The following PDK4 variants were observed in gnomAD, a reference collection of about 807,000 sequenced individuals.
PDK4 encodes the protein pyruvate dehydrogenase kinase, isozyme 4.
A neutral mutation model predicts 51.7 loss-of-function variants in PDK4; 43 were observed. The observed-to-expected ratio is 0.83, with a 90% CI of 0.65 to 1.07. The LOEUF is 1.07. Among genes scored for constraint, PDK4 ranks in the 50% least tolerant of loss-of-function variants. The probability of loss-of-function intolerance (pLI) is 0.00; values close to 1 mark genes in which losing one functional copy is unlikely to be tolerated. For missense variants in PDK4, 498 were observed against 503.5 expected (o/e 0.99, Z 0.10); for synonymous variants, 170 against 176.6 (o/e 0.96, Z 0.30).
At chr7:95,594,950 T>C (rs1444773514) in intron 2 of PDK4, 73 bp downstream of exon 2, 2 of 1,021,748 alleles carry the variant, frequency 2.0e-6, no homozygotes, top group Admixed American at 4.6e-5. Flanking sequence ...AATTATGATG[T>C]TAACATAGTA....
At position 95,587,717 on chromosome 7, in the gene PDK4, G is replaced by C. The variant is rs368570522; in HGVS notation, c.870+10C>G. On this transcript the variant is annotated intron_variant, in intron 8 of 10. Coordinates refer to ENST00000005178, the MANE Select transcript of PDK4 (RefSeq NM_002612.4). ...AAGAGACACCCAAAAGGAAAACAGA[G>C]AATGGTTACCTTAATGGTAAGGTCT... is the stretch of plus-strand genomic sequence containing the variant. The C allele has an allele frequency of 6.3e-5, 99 of 1,561,342 alleles. 1 individual carries two copies. The highest frequency in any genetic ancestry group is 1.5e-4 in the Admixed American group (9 of 59,936).
intron 1 of PDK4, among the ~76,000 whole-genome samples, chr7:95,595,770 T>G (rs1791611156): frequency 2.0e-5 from 3 of 152,232 alleles, no homozygotes; most frequent in Admixed American, 6.5e-5. Context: ...GAATAAAATC[T>G]GTTAATTTGA....
intron 2 of PDK4, among the ~76,000 whole-genome samples, chr7:95,594,529 A>C (rs890902124): frequency 6.6e-6 from 1 of 152,222 alleles, no homozygotes; most frequent in South Asian, 2.1e-4. Context: ...GGGAATAATA[A>C]CTCAATGGCA....
At chr7:95,587,615 A>T in intron 8 of PDK4, 87 bp from the exon 9 acceptor site, 1 of 1,149,044 alleles carries the variant, frequency 8.7e-7, no homozygotes, top group Non-Finnish European at 1.3e-6. Flanking sequence ...TCATTTAAAA[A>T]TCACCTGGCA....
intron 6 of PDK4, among the ~76,000 whole-genome samples, chr7:95,590,926 T>C (rs774848399): frequency 2.5e-4 from 38 of 152,136 alleles, no homozygotes; most frequent in Non-Finnish European, 5.0e-4. Flanking sequence ...CTTGTCAGAA[T>C]TGAAATTTTG....
At chr7:95,592,456 G>T in intron 5 of PDK4, 55 bp downstream of exon 5, 1 of 966,476 alleles carries the variant, frequency 1.0e-6, no homozygotes, top group Non-Finnish European at 1.7e-6. Flanking sequence ...TTATAGATAT[G>T]TCAATCATAT....
intron 6 of PDK4, among the ~76,000 whole-genome samples, chr7:95,590,433 A>G (rs977570409): frequency 1.3e-5 from 2 of 152,186 alleles, no homozygotes; most frequent in Admixed American, 6.5e-5. Flanking sequence ...AGAAAAATAA[A>G]AAGTAAAATA....
rs1244801589 is a variant in PDK4 at position 95,585,561 on chromosome 7, A to G, written c.*80T>C. ...GCTGTCGTTTGTTTTGGAGGAAACA[A>G]GGGTTCACACACAAACATTCAGGAA... On this transcript the variant is annotated 3_prime_UTR_variant, in exon 11 of 11. Coordinates refer to ENST00000005178, the MANE Select transcript of PDK4 (RefSeq NM_002612.4). 10 of 1,253,136 alleles carry G rather than the reference A, an allele frequency of 8.0e-6. No homozygotes were observed. The highest frequency in any genetic ancestry group is 1.5e-5 in the African/African-American group (1 of 67,182). The allele number at this position is 1,253,136 out of a possible 1,614,324, so 77.6% of individuals were successfully genotyped here.
chr7:95,592,344 G>A (rs1791561731), intron 5 of PDK4, among the ~76,000 whole-genome samples, 167 bp downstream of exon 5: 1 of 152,044 alleles, frequency 6.6e-6, no homozygotes, highest in East Asian at 1.9e-4. Flanking sequence ...TTAGAGGAAT[G>A]TTTATACTAC....
In PDK4 at chr7:95,585,054, A is replaced by C. The variant is rs138286625; in HGVS notation, c.*587T>G. On this transcript the variant is annotated 3_prime_UTR_variant, in exon 11 of 11. Coordinates refer to ENST00000005178, the MANE Select transcript of PDK4 (RefSeq NM_002612.4). ...TGCAACTTTGAATACAATGCTTTGA[A>C]TTTTGAAACACTTGAATAAAATGTT... 523 of 152,390 alleles carry C rather than the reference A, an allele frequency of 3.4e-3. No individual in the cohort carries two copies. The highest frequency in any genetic ancestry group is 0.01 in the Middle Eastern group (3 of 294). 9.4% of individuals were successfully genotyped at this position (152,390 alleles called of 1,614,324 possible).
Position 95,596,169 on chromosome 7 carries a change from T to C in PDK4, c.125A>G (p.Asp42Gly). ...GGCCCTGTGTCCCCTCTCACCAAAG[T>C]CCAGTAGCTGCTTCATGGACAGCGG... Reference protein sequence around the residue: ...PSPLSMKQLLDFGSENACERT... With the variant: ...PSPLSMKQLLGFGSENACERT... The change falls in exon 1 of 11, where the codon GAC becomes GGC. Residue 42 changes from aspartate to glycine, a missense_variant. Physicochemically the swap from Asp to Gly is moderately conservative, Grantham distance 94 (BLOSUM62 -1). Coordinates refer to ENST00000005178, the MANE Select transcript of PDK4 (RefSeq NM_002612.4). 1.2e-6 allele frequency: 2 copies of C among 1,601,954 alleles called. No individual in the cohort carries two copies. Among genetic ancestry groups the C allele is most frequent in the Admixed American group, 1.7e-5 (1 of 59,212 alleles).
rs1562838171 is a variant in PDK4, at chr7:95,592,020, GATAA to G, written c.658_661del (p.Leu220HisfsTer5). The G allele has an allele frequency of 1.3e-6, 2 of 1,574,746 alleles. No individual in the cohort carries two copies. The highest frequency in any genetic ancestry group is 2.3e-5 in the East Asian group (1 of 42,930). On this transcript the variant is annotated frameshift_variant, in exon 6 of 11. Coordinates refer to ENST00000005178, the MANE Select transcript of PDK4 (RefSeq NM_002612.4). LOFTEE classifies it high-confidence loss of function. ...TTGTGTAAGCTTTAATTCTGGAGAT[GATAA>G]ATAATACTGATCACAGAGCATCCTT...
At chr7:95,592,678 T>C in intron 4 of PDK4, 81 bp from the exon 5 acceptor site, 1 of 1,370,290 alleles carries the variant, frequency 7.3e-7, no homozygotes, top group South Asian at 1.2e-5. Context: ...TGTGACCCGC[T>C]GATTAGTGAG....
chr7:95,583,962 C>T lies in PDK4; in HGVS notation c.*1679G>A, dbSNP rs1791446763. 6.6e-6 allele frequency: 1 copy of T among 152,214 alleles called. No individual in the cohort carries two copies. The highest frequency in any genetic ancestry group is 1.5e-5 in the Non-Finnish European group (1 of 68,030). 9.4% of individuals were successfully genotyped at this position (152,214 alleles called of 1,614,324 possible). On this transcript the variant is annotated 3_prime_UTR_variant, in exon 11 of 11. Transcript: ENST00000005178. ...TGTCTAGGACTTCTGATGATAAAAA[C>T]TGAAATCCACAAAAAAATAGTTGAG...
rs1346266218 is a variant in PDK4, at chr7:95,587,479, A to G, written c.920T>C (p.Phe307Ser). ...TGGTGCAGTGGAGTATGTATAACTAAAGAGGCGGTCAATAATTCTCAGGGG... is the reference window on the plus strand; with the variant it reads ...TGGTGCAGTGGAGTATGTATAACTAGAGAGGCGGTCAATAATTCTCAGGGG... Reference protein sequence around the residue: ...GVPLRIIDRLFSYTYSTAPTP... With the variant: ...GVPLRIIDRLSSYTYSTAPTP... The change falls in exon 9 of 11, where the codon TTT (phenylalanine) becomes TCT (serine). Residue 307 changes from phenylalanine to serine, a missense_variant. By Grantham distance (155) the Phe-to-Ser change is radical. Coordinates refer to ENST00000005178, the MANE Select transcript of PDK4 (RefSeq NM_002612.4). 1 of 1,612,014 alleles carries G rather than the reference A, an allele frequency of 6.2e-7. No homozygotes were observed.
intron 8 of PDK4, 24 bp downstream of exon 8, chr7:95,587,703 A>G (rs1791503140): frequency 6.6e-7 from 1 of 1,519,820 alleles, no homozygotes; most frequent in African/African-American, 1.4e-5. Flanking sequence ...AGAGACACCC[A>G]AAAGGAAAAC....
Position 95,596,231 on chromosome 7 carries a change from G to C in PDK4, c.63C>G (p.Pro21=), listed in dbSNP as rs1338935537. The C allele has an allele frequency of 2.5e-6, 4 of 1,603,260 alleles. No homozygotes were observed. The Admixed American group carries it at 5.1e-5, about 20-fold the overall frequency. Residue 21 remains proline, a synonymous_variant, in exon 1 of 11, where the codon CCC becomes CCG. Coordinates refer to ENST00000005178, the MANE Select transcript of PDK4 (RefSeq NM_002612.4). ...AGSLNGAGLV[P]REVEHFSRYS... is the part of the protein sequence containing the mutation. ...AGCGCGAGAAATGCTCCACCTCTCG[G>C]GGCACCAGGCCGGCGCCGTTGAGCG... is the stretch of plus-strand genomic sequence containing the variant.
rs775479775 is a variant in PDK4 at position 95,592,047 on chromosome 7, C to T, written c.635G>A (p.Arg212Lys). 1.3e-6 allele frequency: 2 copies of T among 1,583,856 alleles called. No homozygotes were observed. The highest frequency in any genetic ancestry group is 2.3e-5 in the East Asian group (1 of 43,536). The part of the protein sequence containing the change: ...AVVQDAFECS[R>K]MLCDQYYLSS... ...TAAATAATACTGATCACAGAGCATCCTTGAACACTCAAAGGCATCTGGAAT... is the reference window on the plus strand; with the variant it reads ...TAAATAATACTGATCACAGAGCATCTTTGAACACTCAAAGGCATCTGGAAT... Residue 212 changes from arginine (R) to lysine (K), a missense_variant, in exon 6 of 11, where the codon AGG (arginine) becomes AAG (lysine). By Grantham distance (26) the Arg-to-Lys change is conservative. Coordinates refer to ENST00000005178, the MANE Select transcript of PDK4 (RefSeq NM_002612.4).
Position 95,589,688 on chromosome 7 carries a change from G to A in PDK4, c.723C>T (p.Ile241=), listed in dbSNP as rs1303305862. The A allele has an allele frequency of 1.7e-5, 27 of 1,586,548 alleles. No individual in the cohort carries two copies. Among genetic ancestry groups the A allele is most frequent in the Non-Finnish European group, 2.2e-5 (25 of 1,155,638 alleles). Residue 241 remains isoleucine (I), a synonymous_variant, in exon 7 of 11, where the codon ATC becomes ATT. Transcript: ENST00000005178. ...NGKFPDQPIH[I]VYVPSHLHHM... ...GATGGAGGTGAGAAGGAACATACAC[G>A]ATGTGAATTGGTTGGTCTGGAAATT...
Sources: gnomAD v4.1 joint callset for allele counts (sites outside exome capture counted in the v4.1 genomes callset) on GRCh38, gnomAD v4.1.1 for gene constraint, MANE v1.5 for transcripts, NCBI Gene and HGNC (gene_info 2026-07-23, HGNC 2026-07-21) for gene names.